Variants in LRBA observed in about 807,000 individuals in gnomAD.
LRBA encodes the protein lipopolysaccharide-responsive and beige-like anchor protein.
LRBA carries 176 observed loss-of-function variants against 330.0 expected under a neutral mutation model. The observed-to-expected ratio is 0.53, with a 90% CI of 0.47 to 0.60. The LOEUF (loss-of-function observed/expected upper bound fraction) is 0.60, where lower values mean the gene tolerates loss of function less well. Ranked by LOEUF, LRBA falls within the 20% of genes least tolerant of loss-of-function variation. The pLI, the probability that LRBA is intolerant of heterozygous loss-of-function variation, is 0.00. For synonymous variants in LRBA, 1,230 were observed against 1,193.0 expected, an observed-to-expected ratio of 1.03 and a Z score of -0.64; for missense variants, 3,259 against 3,444.8, an observed-to-expected ratio of 0.95 and a Z score of 1.35.
intron 40 of LRBA, among the ~76,000 whole-genome samples, chr4:150,512,199 T>A (rs981860680): frequency 5.3e-5 from 8 of 152,184 alleles, no homozygotes; most frequent in African/African-American, 1.9e-4. Flanking sequence ...AATAGCGAAC[T>A]GTGTATTTCA....
At chr4:150,560,068 A>G (rs1282238925) in intron 40 of LRBA, among the ~76,000 whole-genome samples, 1 of 146,904 alleles carries the variant, frequency 6.8e-6, no homozygotes, top group African/African-American at 2.5e-5. Context: ...AAATTTGATT[A>G]CTATTATAGT....
intron 44 of LRBA, among the ~76,000 whole-genome samples, chr4:150,466,038 C>T (rs1755410137): frequency 1.3e-5 from 2 of 151,970 alleles, no homozygotes; most frequent in Admixed American, 1.3e-4. Context: ...AGCAAAAGCA[C>T]AAGAGGTGAA....
Position 150,677,141 on chromosome 4 carries a change from A to G in LRBA, c.5921+6410T>C, listed in dbSNP as rs940545116. Among the ~76,000 whole-genome samples, 7 of 152,144 alleles carry G rather than the reference A, an allele frequency of 4.6e-5. No homozygotes were observed. The South Asian group carries it at 8.3e-4, about 18-fold the overall frequency. The stretch of plus-strand genomic sequence containing the variant: ...TAGTTTACCTGACCCCCCAACCCCC[A>G]AAAATGATTTCTTTATGACATACTG... On this transcript the variant is annotated intron_variant, in intron 37 of 56. Coordinates refer to ENST00000651943, the MANE Select transcript of LRBA (RefSeq NM_001364905.1).
At chr4:150,823,551 G>A (rs757527558) in intron 30 of LRBA, among the ~76,000 whole-genome samples, 3 of 152,052 alleles carry the variant, frequency 2.0e-5, no homozygotes, top group African/African-American at 7.2e-5. Context: ...TAATGTCCTG[G>A]AGAGTTTTTC....
intron 37 of LRBA, among the ~76,000 whole-genome samples, chr4:150,641,710 G>A (rs1715389660): frequency 6.6e-6 from 1 of 151,998 alleles, no homozygotes; most frequent in Non-Finnish European, 1.5e-5. Flanking sequence ...ATGCACAAGG[G>A]CAAGAATTAG....
chr4:150,849,022 TTA>T (rs112706915), intron 25 of LRBA, 24 bp from the exon 26 acceptor site: 2,455 of 1,439,828 alleles, frequency 1.7e-3, no homozygotes, highest in South Asian at 2.0e-3. Context: ...AGTTTGACAT[TTA>T]TATATATATA....
At chr4:150,694,999 T>C (rs1784506169) in intron 36 of LRBA, among the ~76,000 whole-genome samples, 1 of 152,240 alleles carries the variant, frequency 6.6e-6, no homozygotes, top group Non-Finnish European at 1.5e-5. Context: ...TAGTTTCTAC[T>C]TGTGTGCCAA....
intron 2 of LRBA, among the ~76,000 whole-genome samples, chr4:150,999,530 T>C (rs1284301779): frequency 6.6e-6 from 1 of 152,012 alleles, no homozygotes; most frequent in African/African-American, 2.4e-5. Context: ...CCCAAAGTCC[T>C]GGGATTACAT....
intron 53 of LRBA, among the ~76,000 whole-genome samples, chr4:150,299,840 A>G (rs1009766845): frequency 1.3e-5 from 2 of 152,100 alleles, no homozygotes; most frequent in Non-Finnish European, 2.9e-5. Flanking sequence ...TTGAGGTATT[A>G]ATGTGCATTT....
At chr4:150,934,885 G>C (rs1327468222) in intron 2 of LRBA, among the ~76,000 whole-genome samples, 1 of 152,062 alleles carries the variant, frequency 6.6e-6, no homozygotes, top group East Asian at 1.9e-4. Context: ...ACACATGCCT[G>C]TAATCCCAGC....
intron 37 of LRBA, among the ~76,000 whole-genome samples, chr4:150,620,690 A>G (rs979350334): frequency 6.6e-6 from 1 of 152,180 alleles, no homozygotes; most frequent in African/African-American, 2.4e-5. Flanking sequence ...TTATTCTAAG[A>G]GAAGTAACTG....
rs11331003 is a variant in LRBA at position 150,811,427 on chromosome 4, G to GA, written c.5306-3030dup. ...AGAAAACATATGCATGAGGCTTTAGGAAAAAAAAAAAAAGGGGGTGTGCAT... is the reference window on the plus strand; with the variant it reads ...AGAAAACATATGCATGAGGCTTTAGGAAAAAAAAAAAAAAGGGGGTGTGCAT... On this transcript the variant is annotated intron_variant, in intron 31 of 56. Coordinates refer to ENST00000651943, the MANE Select transcript of LRBA (RefSeq NM_001364905.1). 1.2e-4 allele frequency among the ~76,000 whole-genome samples: 17 copies of GA among 146,164 alleles called. No homozygotes were observed. The East Asian group carries it at 1.2e-3, about 10-fold the overall frequency.
intron 40 of LRBA, among the ~76,000 whole-genome samples, chr4:150,495,753 T>C (rs2152111189): frequency 6.6e-6 from 1 of 152,252 alleles, no homozygotes; most frequent in African/African-American, 2.4e-5. Context: ...TTTGGGACTT[T>C]CTGTTCACTG....
At chr4:150,360,119 T>C (rs1738470837) in intron 47 of LRBA, among the ~76,000 whole-genome samples, 1 of 152,128 alleles carries the variant, frequency 6.6e-6, no homozygotes, top group South Asian at 2.1e-4. Flanking sequence ...AGATATGCAA[T>C]TTAAAATTTT....
intron 48 of LRBA, among the ~76,000 whole-genome samples, chr4:150,339,940 A>G (rs1383854353): frequency 6.6e-6 from 1 of 150,768 alleles, no homozygotes; most frequent in Non-Finnish European, 1.5e-5. Context: ...CCACATCGTG[A>G]GAAGGACCCC....
intron 2 of LRBA, among the ~76,000 whole-genome samples, chr4:150,938,281 G>A (rs1219883691): frequency 6.6e-6 from 1 of 152,022 alleles, no homozygotes; most frequent in East Asian, 1.9e-4. Context: ...ACATATTCAG[G>A]TTTTAAAAGT....
At chr4:150,897,891 T>A (rs544396134) in intron 14 of LRBA, 73 bp from the exon 15 acceptor site, 1 of 969,038 alleles carries the variant, frequency 1.0e-6, no homozygotes, top group South Asian at 1.4e-5. Flanking sequence ...AAAATTCTCA[T>A]TCCCAACAGC....
At chr4:150,377,170 T>C in intron 47 of LRBA, among the ~76,000 whole-genome samples, 1 of 151,184 alleles carries the variant, frequency 6.6e-6, no homozygotes, top group Non-Finnish European at 1.5e-5. Flanking sequence ...GCTCTTAGTC[T>C]TGACTTGGGC....
intron 37 of LRBA, among the ~76,000 whole-genome samples, chr4:150,617,379 C>T (rs115534089): frequency 0.027 from 4,120 of 152,298 alleles, 173 homozygotes; most frequent in African/African-American, 0.094. Context: ...ACTGGCCTCA[C>T]GCCTGTAATC....
Sources: allele counts gnomAD v4.1 joint callset (sites outside exome capture counted in the v4.1 genomes callset), GRCh38; gene constraint gnomAD v4.1.1; transcripts MANE v1.5; gene names NCBI Gene and HGNC (gene_info 2026-07-23, HGNC 2026-07-21).